Variants in MYO1D observed in about 807,000 individuals in gnomAD.
MYO1D encodes the protein unconventional myosin-Id.
A neutral mutation model predicts 122.0 loss-of-function variants in MYO1D; 83 were observed. The observed-to-expected ratio is 0.68, with a 90% confidence interval of 0.57 to 0.82. The LOEUF (loss-of-function observed/expected upper bound fraction) is 0.82. MYO1D is among the 40% of genes least tolerant of loss of function. MYO1D has a pLI of 0.00. For missense variants in MYO1D, 1,157 were observed against 1,269.5 expected (o/e 0.91, Z 1.35); for synonymous variants, 464 against 446.9 (o/e 1.04, Z -0.48).
intron 21 of MYO1D, among the ~76,000 whole-genome samples, chr17:32,588,719 A>G (rs1028092623): frequency 2.0e-5 from 3 of 152,114 alleles, no homozygotes; most frequent in African/African-American, 7.2e-5. Flanking sequence ...GGAGGCCGAC[A>G]CAGGTGGATC....
chr17:32,792,191 C>T (rs895773893), intron 1 of MYO1D, among the ~76,000 whole-genome samples: 12 of 152,080 alleles, frequency 7.9e-5, no homozygotes, highest in Non-Finnish European at 1.2e-4. Context: ...ATCTGTAGAA[C>T]GCACATCTAG....
chr17:32,582,274 G>A (rs142801607), intron 21 of MYO1D, among the ~76,000 whole-genome samples: 128 of 152,198 alleles, frequency 8.4e-4, no homozygotes, highest in African/African-American at 2.9e-3. Flanking sequence ...TAAAATCTAC[G>A]CATTTTAAAA....
chr17:32,617,379 T>C (rs1253715523), intron 20 of MYO1D, among the ~76,000 whole-genome samples: 1 of 152,102 alleles, frequency 6.6e-6, no homozygotes, highest in Non-Finnish European at 1.5e-5. Flanking sequence ...ACCCCTAGTC[T>C]TTAAGTCTTC....
At chr17:32,839,727 T>C (rs2090860639) in intron 1 of MYO1D, among the ~76,000 whole-genome samples, 1 of 152,190 alleles carries the variant, frequency 6.6e-6, no homozygotes, top group Non-Finnish European at 1.5e-5. Flanking sequence ...ACAGAGATAC[T>C]GCTCATATTT....
intron 21 of MYO1D, among the ~76,000 whole-genome samples, chr17:32,602,049 C>T (rs1378912871): frequency 6.6e-6 from 1 of 152,130 alleles, no homozygotes; most frequent in Admixed American, 6.6e-5. Flanking sequence ...AAAATTTATT[C>T]GAGGACATGC....
At chr17:32,850,649 A>G (rs2090977931) in intron 1 of MYO1D, among the ~76,000 whole-genome samples, 1 of 152,224 alleles carries the variant, frequency 6.6e-6, no homozygotes, top group Admixed American at 6.5e-5. Flanking sequence ...ATAACACAGT[A>G]GAGTAATGCT....
intron 1 of MYO1D, among the ~76,000 whole-genome samples, chr17:32,787,260 T>C (rs951656987): frequency 3.9e-5 from 6 of 152,182 alleles, no homozygotes; most frequent in Admixed American, 6.5e-5. Flanking sequence ...TAATTTTTTG[T>C]ATTATCTCAT....
chr17:32,750,877 C>T (rs182898182), intron 11 of MYO1D, among the ~76,000 whole-genome samples: 1 of 152,256 alleles, frequency 6.6e-6, no homozygotes, highest in Non-Finnish European at 1.5e-5. Flanking sequence ...AAAGCATCTA[C>T]CATACAGAGA....
At chr17:32,649,778 G>A (rs2088361798) in intron 19 of MYO1D, among the ~76,000 whole-genome samples, 1 of 151,852 alleles carries the variant, frequency 6.6e-6, no homozygotes, top group Admixed American at 6.6e-5. Flanking sequence ...CACCATGTTG[G>A]CCAGGCTGGT....
At chr17:32,809,451 T>C (rs2090550181) in intron 1 of MYO1D, among the ~76,000 whole-genome samples, 1 of 145,842 alleles carries the variant, frequency 6.9e-6, no homozygotes, top group African/African-American at 2.6e-5. Flanking sequence ...TTTTTTTTCT[T>C]TTTCTGAGAC....
chr17:32,837,895 A>G (rs1408505570), intron 1 of MYO1D, among the ~76,000 whole-genome samples: 1 of 152,164 alleles, frequency 6.6e-6, no homozygotes, highest in Non-Finnish European at 1.5e-5. Context: ...AACGGTCTTC[A>G]TTTTGTGTAT....
intron 1 of MYO1D, among the ~76,000 whole-genome samples, chr17:32,874,794 G>T (rs2091214855): frequency 6.6e-6 from 1 of 151,764 alleles, no homozygotes; most frequent in South Asian, 2.1e-4. Flanking sequence ...TAAATAAATT[G>T]CAGCATTCTC....
chr17:32,566,067 A>G (rs2087170777), intron 21 of MYO1D, among the ~76,000 whole-genome samples: 1 of 152,132 alleles, frequency 6.6e-6, no homozygotes, highest in Admixed American at 6.5e-5. Context: ...ATGCAGTGAT[A>G]AGAAATCCAT....
chr17:32,597,192 CTTA>C (rs1177620292), intron 21 of MYO1D, among the ~76,000 whole-genome samples: 1 of 152,162 alleles, frequency 6.6e-6, no homozygotes, highest in African/African-American at 2.4e-5. Flanking sequence ...CTAGCTGCCA[CTTA>C]TTATTAAAAT....
chr17:32,835,925 A>G (rs2151069999), intron 1 of MYO1D, among the ~76,000 whole-genome samples: 1 of 152,324 alleles, frequency 6.6e-6, no homozygotes, highest in East Asian at 1.9e-4. Context: ...TACTGCGCTC[A>G]CTATGGACTG....
intron 21 of MYO1D, among the ~76,000 whole-genome samples, chr17:32,501,040 G>T (rs988192541): frequency 3.9e-5 from 6 of 151,924 alleles, no homozygotes; most frequent in Non-Finnish European, 7.4e-5. Flanking sequence ...GTGGATTGAG[G>T]TTGGCGGCTC....
At chr17:32,687,099 T>C (rs1370818701) in intron 16 of MYO1D, among the ~76,000 whole-genome samples, 1 of 151,994 alleles carries the variant, frequency 6.6e-6, no homozygotes, top group Non-Finnish European at 1.5e-5. Flanking sequence ...AACTATACTA[T>C]GAGGTGGGTA....
At chr17:32,649,906 T>G (rs945292418) in intron 19 of MYO1D, among the ~76,000 whole-genome samples, 1 of 152,182 alleles carries the variant, frequency 6.6e-6, no homozygotes, top group Non-Finnish European at 1.5e-5. Context: ...CATCCATCGA[T>G]GGACATTTCA....
intron 1 of MYO1D, among the ~76,000 whole-genome samples, chr17:32,791,040 C>T (rs1484101492): frequency 1.3e-5 from 2 of 152,082 alleles, no homozygotes; most frequent in Non-Finnish European, 2.9e-5. Flanking sequence ...TTTCACTGCA[C>T]CCATCTGGGA....
Sources: allele counts gnomAD v4.1 joint callset (sites outside exome capture counted in the v4.1 genomes callset), GRCh38; gene constraint gnomAD v4.1.1; transcripts MANE v1.5; gene names NCBI Gene and HGNC (gene_info 2026-07-23, HGNC 2026-07-21).